The following AGO1 variants were observed in gnomAD, a reference collection of about 807,000 sequenced individuals.
The protein encoded by AGO1 is protein argonaute-1.
AGO1 carries 11 observed loss-of-function variants against 109.2 expected under a neutral mutation model. The ratio of observed to expected loss-of-function variants is 0.10; its 90% CI spans 0.06 to 0.17. The LOEUF (loss-of-function observed/expected upper bound fraction) is 0.17. Among genes scored for constraint, AGO1 ranks in the 10% least tolerant of loss-of-function variants. AGO1 has a pLI of 1.00. For missense variants in AGO1, 574 were observed against 1,140.3 expected (o/e 0.50, Z 7.15); for synonymous variants, 422 against 418.6 (o/e 1.01, Z -0.10).
At position 35,913,933 on chromosome 1, in the gene AGO1, G is replaced by T; in HGVS notation, c.1674G>T (p.Leu558=). 1 of 1,614,100 alleles carries T rather than the reference G, an allele frequency of 6.2e-7. No individual in the cohort carries two copies. The highest frequency in any genetic ancestry group is 8.5e-7 in the Non-Finnish European group (1 of 1,180,024). The stretch of plus-strand genomic sequence containing the variant: ...TGGTCAAGACCTCACCTCAGACTCT[G>T]TCCAACCTCTGCCTCAAGATCAATG... ...KNVVKTSPQT[L]SNLCLKINVK... is the part of the protein sequence containing the mutation. The change falls in exon 13 of 19, where the codon CTG becomes CTT. Residue 558 remains leucine (L), a synonymous_variant. Transcript: ENST00000373204.
chr1:35,891,908 C>T (rs771475855), intron 2 of AGO1, among the ~76,000 whole-genome samples: 1 of 151,292 alleles, frequency 6.6e-6, no homozygotes, highest in Non-Finnish European at 1.5e-5. Flanking sequence ...GACAGGGTCT[C>T]GCTGTGTCCC....
exon 1 of AGO1, chr1:35,869,818 GCCTCAGGAGTGCGTGAGGCCCACGC>G (rs1438164351): frequency 2.0e-5 from 3 of 152,114 alleles, no homozygotes; most frequent in Non-Finnish European, 4.4e-5. Context: ...TGAGGCAAGC[GCCTCAGGAGTGCGTGAGGCCCACGC>G]AGAACTCGGG....
At chr1:35,892,786 A>T in intron 3 of AGO1, 109 bp downstream of exon 3, 10 of 1,395,826 alleles carry the variant, frequency 7.2e-6, no homozygotes, top group Non-Finnish European at 9.0e-6. Flanking sequence ...GTGCTGAGAA[A>T]GTATGTTTTA....
chr1:35,903,465 G>A (rs1054917903), intron 11 of AGO1, among the ~76,000 whole-genome samples: 2 of 152,116 alleles, frequency 1.3e-5, no homozygotes, highest in African/African-American at 4.8e-5. Flanking sequence ...GCACTCTAGG[G>A]ATGAGGAGGA....
Position 35,927,183 on chromosome 1 carries a change from C to T in AGO1, c.*7576C>T, listed in dbSNP as rs1449770932. The T allele has an allele frequency of 6.6e-6, 1 of 152,062 alleles. No homozygotes were observed. Among genetic ancestry groups the T allele is most frequent in the Admixed American group, 6.6e-5 (1 of 15,264 alleles). 9.4% of individuals were successfully genotyped at this position (152,062 alleles called of 1,614,324 possible). On this transcript the variant is annotated 3_prime_UTR_variant, in exon 19 of 19. Transcript: ENST00000373204. Reference sequence around the variant, plus strand: ...CTTAGCTAGGTGTTTTCTACAGTATCTTATATAATTGCATCTTACAGCATC... The same window carrying T: ...CTTAGCTAGGTGTTTTCTACAGTATTTTATATAATTGCATCTTACAGCATC...
rs1645988275 is a variant in AGO1, at chr1:35,929,170, A to T, written c.*9563A>T. Reference sequence around the variant, plus strand: ...TGAGTTATCCAAATATAGGGTGTACATGTAGTCAGGAGAGAGCCTCATACA... The same window carrying T: ...TGAGTTATCCAAATATAGGGTGTACTTGTAGTCAGGAGAGAGCCTCATACA... On this transcript the variant is annotated 3_prime_UTR_variant, in exon 19 of 19. Coordinates refer to ENST00000373204, the MANE Select transcript of AGO1 (RefSeq NM_012199.5). 1 of 152,280 alleles carries T rather than the reference A, an allele frequency of 6.6e-6. No individual in the cohort carries two copies. Among genetic ancestry groups the T allele is most frequent in the Non-Finnish European group, 1.5e-5 (1 of 68,064 alleles). The allele number at this position is 152,280 out of a possible 1,614,324, so 9.4% of individuals were successfully genotyped here.
At chr1:35,909,495 C>A (rs143900774) in intron 12 of AGO1, among the ~76,000 whole-genome samples, 20 of 152,352 alleles carry the variant, frequency 1.3e-4, no homozygotes, top group Non-Finnish European at 2.4e-4. Context: ...TTGTACACAT[C>A]ATTTGCCTTT....
chr1:35,893,020 C>G lies in AGO1; in HGVS notation c.331-77C>G. 1 of 1,393,728 alleles carries G rather than the reference C, an allele frequency of 7.2e-7. No individual in the cohort carries two copies. Among genetic ancestry groups the G allele is most frequent in the Non-Finnish European group, 9.8e-7 (1 of 1,017,180 alleles). 86.3% of individuals were successfully genotyped at this position (1,393,728 alleles called of 1,614,324 possible). Reference sequence around the variant, plus strand: ...CCTATCAACTTGAAAAACATGTTCTCAGCAAATCCATGGAGTTGGGGGTCA... The same window carrying G: ...CCTATCAACTTGAAAAACATGTTCTGAGCAAATCCATGGAGTTGGGGGTCA... On this transcript the variant is annotated intron_variant, in intron 3 of 18. Coordinates refer to ENST00000373204, the MANE Select transcript of AGO1 (RefSeq NM_012199.5). The surrounding 1 kb of genome is among the most constrained non-coding windows in gnomAD (Gnocchi z 5.6).
In AGO1 at chr1:35,925,080, G is replaced by A. The variant is rs769882762; in HGVS notation, c.*5473G>A. On this transcript the variant is annotated 3_prime_UTR_variant, in exon 19 of 19. Coordinates refer to ENST00000373204, the MANE Select transcript of AGO1 (RefSeq NM_012199.5). ...GTGACAGATCACTGGTAGACAGTTT[G>A]TGGGTTTTTTGTTTCTTTGTTTAGC... is the stretch of plus-strand genomic sequence containing the variant. The A allele has an allele frequency of 6.6e-6, 1 of 152,110 alleles. No homozygotes were observed. The highest frequency in any genetic ancestry group is 1.5e-5 in the Non-Finnish European group (1 of 68,018). The allele number at this position is 152,110 out of a possible 1,614,324, so 9.4% of individuals were successfully genotyped here. A position where few individuals can be genotyped will look rare whatever the true frequency, so the allele number is the denominator to read the frequency against.
intron 1 of AGO1, among the ~76,000 whole-genome samples, chr1:35,870,729 C>T (rs1419105484): frequency 6.6e-6 from 1 of 152,140 alleles, no homozygotes; most frequent in African/African-American, 2.4e-5. Flanking sequence ...CTGTGTGCTA[C>T]TTCATAATCC....
intron 15 of AGO1, among the ~76,000 whole-genome samples, chr1:35,917,182 C>T (rs531317968): frequency 6.6e-6 from 1 of 152,346 alleles, no homozygotes; most frequent in African/African-American, 2.4e-5. Context: ...TATGTCTGCT[C>T]TTCTCTGGTG....
upstream of AGO1, among the ~76,000 whole-genome samples, chr1:35,881,145 C>T (rs145712522): frequency 3.9e-5 from 6 of 152,300 alleles, no homozygotes; most frequent in East Asian, 1.2e-3. Flanking sequence ...GCTCCAGAGT[C>T]TTTGTTCTTC....
chr1:35,872,951 G>A (rs1292536421), intron 1 of AGO1, among the ~76,000 whole-genome samples: 1 of 151,662 alleles, frequency 6.6e-6, no homozygotes, highest in Non-Finnish European at 1.5e-5. Flanking sequence ...TGGGGGCCTT[G>A]CTATTTTTCC....
At chr1:35,908,233 A>T (rs145121255) in intron 12 of AGO1, among the ~76,000 whole-genome samples, 68 of 152,306 alleles carry the variant, frequency 4.5e-4, no homozygotes, top group African/African-American at 1.5e-3. Context: ...TCCTCTGCAC[A>T]GGATTGCCAA....
intron 8 of AGO1, among the ~76,000 whole-genome samples, chr1:35,899,069 A>G (rs1297672036): frequency 1.3e-5 from 2 of 152,146 alleles, no homozygotes; most frequent in African/African-American, 2.4e-5. Context: ...TTTAACCCCT[A>G]GCAACCACCA....
At chr1:35,904,453 T>C (rs1247027822) in intron 11 of AGO1, among the ~76,000 whole-genome samples, 1 of 152,168 alleles carries the variant, frequency 6.6e-6, no homozygotes, top group African/African-American at 2.4e-5. Context: ...CTTGGCAACA[T>C]TGGAAAGGCT....
chr1:35,883,456 C>G lies in AGO1; in HGVS notation c.25+10C>G. On this transcript the variant is annotated intron_variant, in intron 1 of 18. Coordinates refer to ENST00000373204, the MANE Select transcript of AGO1 (RefSeq NM_012199.5). This position sits in a 1 kb window ranked among gnomAD's most constrained non-coding sequence, Gnocchi z 5.4. ...GGACCCTCGGGAGCAGGTAAGGGTC[C>G]CCAGGAGGGGGAACGGTGCATGCTC... The G allele has an allele frequency of 6.4e-7, 1 of 1,554,162 alleles. No individual in the cohort carries two copies.
chr1:35,909,103 C>T (rs1416363658), intron 12 of AGO1, among the ~76,000 whole-genome samples: 1 of 152,174 alleles, frequency 6.6e-6, no homozygotes, highest in Non-Finnish European at 1.5e-5. Context: ...CAGGCATGAG[C>T]CACTGTGCCC....
At chr1:35,885,162 G>T (rs2148707060) in intron 1 of AGO1, among the ~76,000 whole-genome samples, 1 of 152,208 alleles carries the variant, frequency 6.6e-6, no homozygotes, top group South Asian at 2.1e-4. Context: ...CTTCCTCTCT[G>T]TCAGGACCCT....
Sources: allele counts gnomAD v4.1 joint callset (sites outside exome capture counted in the v4.1 genomes callset), GRCh38; gene constraint gnomAD v4.1.1; non-coding constraint Gnocchi (gnomAD v3.1); transcripts MANE v1.5; gene names NCBI Gene and HGNC (gene_info 2026-07-23, HGNC 2026-07-21).